INVS: variants seen among roughly 807,000 people sequenced by gnomAD.
INVS encodes the protein inversion of embryo turning homolog.
Under a neutral mutation model 108.8 loss-of-function variants are expected in INVS, and 86 were observed. The observed-to-expected ratio is 0.79, with a 90% confidence interval of 0.66 to 0.95. INVS has a LOEUF of 0.95. INVS is among the 40% of genes least tolerant of loss of function. The pLI, the probability that INVS is intolerant of heterozygous loss-of-function variation, is 0.00. For synonymous variants in INVS, 455 were observed against 473.5 expected (o/e 0.96, Z 0.51); for missense variants, 1,169 against 1,297.4 (o/e 0.90, Z 1.52).
chr9:100,212,277 G>A (rs973345571), intron 3 of INVS, among the ~76,000 whole-genome samples: 1 of 152,148 alleles, frequency 6.6e-6, no homozygotes, highest in African/African-American at 2.4e-5. Context: ...TGATTGCATT[G>A]TACTGAGCCA....
At chr9:100,260,223 T>A (rs1261831401) in intron 10 of INVS, among the ~76,000 whole-genome samples, 4 of 146,660 alleles carry the variant, frequency 2.7e-5, no homozygotes, top group Non-Finnish European at 6.0e-5. Flanking sequence ...AGAGTCTCAT[T>A]CTTTCACCCA....
intron 13 of INVS, among the ~76,000 whole-genome samples, chr9:100,287,634 C>G (rs1040006719): frequency 6.6e-6 from 1 of 152,128 alleles, no homozygotes; most frequent in Admixed American, 6.5e-5. Flanking sequence ...GGCACTTCCC[C>G]GCTCGCTCAT....
At chr9:100,134,929 T>C (rs1828175225) in intron 3 of INVS, among the ~76,000 whole-genome samples, 1 of 152,132 alleles carries the variant, frequency 6.6e-6, no homozygotes, top group South Asian at 2.1e-4. Context: ...TTATAAAAAA[T>C]TTATTTGCTG....
chr9:100,267,198 G>A (rs1301018858), intron 11 of INVS, among the ~76,000 whole-genome samples: 2 of 152,034 alleles, frequency 1.3e-5, no homozygotes, highest in Admixed American at 1.3e-4. Flanking sequence ...CCTTGAATAT[G>A]AGACCTAAGT....
chr9:100,265,047 A>G (rs949153368), intron 11 of INVS, 119 bp downstream of exon 11: 12 of 715,656 alleles, frequency 1.7e-5, no homozygotes, highest in Non-Finnish European at 2.8e-5. Context: ...GGTTCAAGCA[A>G]TTCTTCTCCT....
intron 5 of INVS, among the ~76,000 whole-genome samples, chr9:100,230,444 G>A (rs7047311): frequency 0.17 from 26,090 of 151,966 alleles, 3,342 homozygotes; most frequent in African/African-American, 0.37. Context: ...GAATTATATT[G>A]CATGTTTTTG....
intron 12 of INVS, among the ~76,000 whole-genome samples, chr9:100,277,342 A>T (rs1169309612): frequency 1.3e-5 from 2 of 152,230 alleles, no homozygotes; most frequent in African/African-American, 4.8e-5. Flanking sequence ...GAACATCACC[A>T]GATTGTTAAT....
intron 1 of INVS, among the ~76,000 whole-genome samples, chr9:100,100,608 TATATA>T (rs1472230242): frequency 6.5e-5 from 6 of 92,974 alleles, no homozygotes; most frequent in Non-Finnish European, 1.2e-4. Context: ...ACATATAATA[TATATA>T]ATATATGTAT....
In INVS at chr9:100,272,961, A is replaced by G. The variant is rs762519529; in HGVS notation, c.1669A>G (p.Ile557Val). 8.7e-6 allele frequency: 14 copies of G among 1,614,060 alleles called. No homozygotes were observed. The highest frequency in any genetic ancestry group is 8.3e-5 in the Admixed American group (5 of 60,004). The change falls in exon 12 of 17, where the codon ATC becomes GTC. Residue 557 changes from isoleucine to valine, a missense_variant. Physicochemically the swap from Ile to Val is conservative, Grantham distance 29. This residue lies in a region of INVS where 271 missense variants were observed against 363.8 expected (regional missense o/e 0.74). Coordinates refer to ENST00000262457, the MANE Select transcript of INVS (RefSeq NM_014425.5). The stretch of plus-strand genomic sequence containing the variant: ...CCTGTCCATCGCAGCCATACAAGAC[A>G]TCGCCGCCTTCAAAATCCAAGCTGT... ...GALSIAAIQD[I>V]AAFKIQAVYK...
At chr9:100,264,791 A>C (rs749365150) in intron 10 of INVS, 31 bp from the exon 11 acceptor site, 3 of 1,386,866 alleles carry the variant, frequency 2.2e-6, no homozygotes, top group Non-Finnish European at 2.1e-6. Flanking sequence ...TACTTACTCC[A>C]GATGTACTTG....
At position 100,284,232 on chromosome 9, in the gene INVS, G is replaced by A. The variant is rs1286660446; in HGVS notation, c.1785-88G>A. The A allele has an allele frequency of 8.9e-6, 13 of 1,462,050 alleles. No individual in the cohort carries two copies. In the Admixed American group the frequency reaches 2.0e-4, roughly 23 times the overall value. The allele number at this position is 1,462,050 out of a possible 1,614,324, so 90.6% of individuals were successfully genotyped here. ...TCCAAATATCTCCTGTGATGTAGTA[G>A]CTCCTCTTAAAATTTAAACTCACAC... On this transcript the variant is annotated intron_variant, in intron 12 of 16. Coordinates refer to ENST00000262457, the MANE Select transcript of INVS (RefSeq NM_014425.5).
Position 100,292,802 on chromosome 9 carries a change from C to A in INVS, c.2545C>A (p.Pro849Thr). ...KLTGGLYSHL[P>T]QSTEELRSGA... Reference sequence around the variant, plus strand: ...CACAGGAGGGCTCTATTCACATTTGCCACAGAGCACAGAGGAGTTGAGGTC... The same window carrying A: ...CACAGGAGGGCTCTATTCACATTTGACACAGAGCACAGAGGAGTTGAGGTC... The change falls in exon 14 of 17, where the codon CCA becomes ACA. Residue 849 changes from proline (P) to threonine (T), a missense_variant. Physicochemically the swap from Pro to Thr is conservative, Grantham distance 38. Transcript: ENST00000262457. The A allele has an allele frequency of 6.2e-7, 1 of 1,614,068 alleles. No homozygotes were observed. The highest frequency in any genetic ancestry group is 2.2e-5 in the East Asian group (1 of 44,876).
At chr9:100,129,298 A>C (rs1827981075) in intron 3 of INVS, among the ~76,000 whole-genome samples, 1 of 152,114 alleles carries the variant, frequency 6.6e-6, no homozygotes, top group Non-Finnish European at 1.5e-5. Flanking sequence ...CCTGGGCAAC[A>C]TGACGAAACC....
intron 3 of INVS, among the ~76,000 whole-genome samples, chr9:100,133,499 A>T (rs1340367894): frequency 1.3e-5 from 2 of 152,034 alleles, no homozygotes; most frequent in African/African-American, 4.8e-5. Flanking sequence ...ATGTTGAAAC[A>T]TGTAGCCCTA....
chr9:100,286,979 T>C (rs1833464736), intron 13 of INVS, among the ~76,000 whole-genome samples: 1 of 152,216 alleles, frequency 6.6e-6, no homozygotes, highest in African/African-American at 2.4e-5. Context: ...CATTATCTAC[T>C]GCTGTATAAC....
intron 2 of INVS, among the ~76,000 whole-genome samples, chr9:100,121,197 A>C (rs918902577): frequency 6.6e-6 from 1 of 152,194 alleles, no homozygotes; most frequent in African/African-American, 2.4e-5. Context: ...TCACCTGATT[A>C]GGTGAAAGCA....
chr9:100,144,671 T>C (rs574516249), intron 3 of INVS, among the ~76,000 whole-genome samples: 2 of 151,186 alleles, frequency 1.3e-5, no homozygotes, highest in South Asian at 2.1e-4. Flanking sequence ...CCAGACTGGG[T>C]GTGAGGAGGG....
chr9:100,114,422 GA>G (rs1827446058), intron 2 of INVS, among the ~76,000 whole-genome samples: 1 of 83,522 alleles, frequency 1.2e-5, no homozygotes. Flanking sequence ...TTTTTTTTGA[GA>G]CAGAGTCTCA....
At chr9:100,125,721 C>T (rs545831444) in intron 2 of INVS, among the ~76,000 whole-genome samples, 15 of 139,620 alleles carry the variant, frequency 1.1e-4, no homozygotes, top group Non-Finnish European at 1.5e-4. Flanking sequence ...GTTTTACTCT[C>T]GTTGTCCAGG....
Sources: gnomAD v4.1 joint callset for allele counts (sites outside exome capture counted in the v4.1 genomes callset) on GRCh38, gnomAD v4.1.1 for gene constraint, gnomAD v4.1.1 regional missense constraint, MANE v1.5 for transcripts, NCBI Gene and HGNC (gene_info 2026-07-23, HGNC 2026-07-21) for gene names.